The following ITCH variants were observed in gnomAD, a reference collection of about 807,000 sequenced individuals.
ITCH encodes E3 ubiquitin-protein ligase Itchy homolog.
ITCH carries 28 observed loss-of-function variants against 126.8 expected under a neutral mutation model. That is an observed-to-expected ratio of 0.22 (90% CI 0.16 to 0.30). ITCH has a LOEUF of 0.30. Among genes scored for constraint, ITCH ranks in the 10% least tolerant of loss-of-function variants. ITCH has a pLI of 1.00. For synonymous variants in ITCH, 342 were observed against 340.0 expected, an observed-to-expected ratio of 1.01 and a Z score of -0.06; for missense variants, 631 against 1,032.4, an observed-to-expected ratio of 0.61 and a Z score of 5.33.
chr20:34,428,566 CT>C (rs995860782), intron 7 of ITCH, among the ~76,000 whole-genome samples: 1 of 151,456 alleles, frequency 6.6e-6, no homozygotes. Context: ...GATGTGCGTT[CT>C]TTTTTTTTGT....
intron 3 of ITCH, among the ~76,000 whole-genome samples, chr20:34,406,725 A>C: frequency 6.6e-6 from 1 of 151,880 alleles, no homozygotes; most frequent in Non-Finnish European, 1.5e-5. Context: ...TAGTAGAGAC[A>C]GGGTTTCACC....
intron 2 of ITCH, among the ~76,000 whole-genome samples, chr20:34,372,504 C>A (rs1423750673): frequency 6.7e-6 from 1 of 148,418 alleles, no homozygotes; most frequent in African/African-American, 2.5e-5. Flanking sequence ...CCTCAGCCTC[C>A]TGAGTAGCTG....
Position 34,458,146 on chromosome 20 carries a change from CTT to C in ITCH, c.1295+674_1295+675del, listed in dbSNP as rs370780443. Among the ~76,000 whole-genome samples, 31 of 152,262 alleles carry C rather than the reference CTT, an allele frequency of 2.0e-4. 1 individual carries two copies. The East Asian group carries it at 5.8e-3, about 28-fold the overall frequency. On this transcript the variant is annotated intron_variant, in intron 13 of 24. Coordinates refer to ENST00000374864, the MANE Select transcript of ITCH (RefSeq NM_031483.7). Reference sequence around the variant, plus strand: ...AAAATACATACTCAGTTTCATTACTCTTTACTGGAAATTTAGTATCTTCTTCC... The same window carrying C: ...AAAATACATACTCAGTTTCATTACTCTACTGGAAATTTAGTATCTTCTTCC...
chr20:34,378,847 ATTAT>A (rs1268979113), intron 2 of ITCH, among the ~76,000 whole-genome samples: 14 of 152,236 alleles, frequency 9.2e-5, no homozygotes, highest in South Asian at 2.1e-4. Flanking sequence ...GAGAGTCTGG[ATTAT>A]TTATTTATTT....
chr20:34,470,020 T>C, intron 14 of ITCH, 28 bp from the exon 15 acceptor site: 5 of 1,575,350 alleles, frequency 3.2e-6, no homozygotes, highest in Non-Finnish European at 3.5e-6. Context: ...CAGCTATATA[T>C]GTCCTGTTAA....
intron 2 of ITCH, among the ~76,000 whole-genome samples, chr20:34,379,876 C>T (rs1186954381): frequency 4.2e-5 from 6 of 143,220 alleles, no homozygotes; most frequent in Admixed American, 7.3e-5. Context: ...GGATTACAGG[C>T]GTGAACCACT....
chr20:34,381,883 G>A lies in ITCH; in HGVS notation c.-21-11908G>A, dbSNP rs117008625. ...TGTCTCTAAAAAAAAAAAAAAAAATGGAAAGAAATACTCAAAACACTCAAT... is the reference window on the plus strand; with the variant it reads ...TGTCTCTAAAAAAAAAAAAAAAAATAGAAAGAAATACTCAAAACACTCAAT... On this transcript the variant is annotated intron_variant, in intron 2 of 24. Transcript: ENST00000374864. 4.3e-4 allele frequency among the ~76,000 whole-genome samples: 65 copies of A among 150,884 alleles called. 1 individual carries two copies. In the East Asian group the frequency reaches 0.012, roughly 28 times the overall value.
At chr20:34,486,273 G>A (rs1352119314) in intron 20 of ITCH, among the ~76,000 whole-genome samples, 2 of 151,178 alleles carry the variant, frequency 1.3e-5, no homozygotes, top group Admixed American at 1.3e-4. Context: ...TCCCACTTTG[G>A]TCTCCCAAAG....
chr20:34,500,400 T>G (rs530157121), intron 23 of ITCH, among the ~76,000 whole-genome samples: 19 of 152,312 alleles, frequency 1.2e-4, no homozygotes, highest in African/African-American at 4.6e-4. Context: ...GTTGAATTGG[T>G]CCCTTTATCA....
chr20:34,480,447 C>T, intron 18 of ITCH, 152 bp from the exon 19 acceptor site: 1 of 831,544 alleles, frequency 1.2e-6, no homozygotes, highest in Non-Finnish European at 2.0e-6. Context: ...GGTGATCCAC[C>T]CACCTCGGCC....
At chr20:34,385,442 A>C (rs1374479455) in intron 2 of ITCH, among the ~76,000 whole-genome samples, 2 of 152,064 alleles carry the variant, frequency 1.3e-5, no homozygotes, top group Non-Finnish European at 2.9e-5. Flanking sequence ...CATTGTTTGC[A>C]AGAGAACAAT....
chr20:34,486,774 G>A lies in ITCH; in HGVS notation c.2094-2492G>A, dbSNP rs565874320. 3.7e-5 allele frequency among the ~76,000 whole-genome samples: 5 copies of A among 133,946 alleles called. No individual in the cohort carries two copies. The South Asian group carries it at 9.7e-4, about 26-fold the overall frequency. 87.9% of individuals were successfully genotyped at this position (133,946 alleles called of 152,430 possible). A position where few individuals can be genotyped will look rare whatever the true frequency, so the allele number is the denominator to read the frequency against. On this transcript the variant is annotated intron_variant, in intron 20 of 24. Coordinates refer to ENST00000374864, the MANE Select transcript of ITCH (RefSeq NM_031483.7). ...GTGCAGTGGTGAAATCTTGCCTCACGGCAGCGTCCAATTCCAGAAGTTCAA... is the reference window on the plus strand; with the variant it reads ...GTGCAGTGGTGAAATCTTGCCTCACAGCAGCGTCCAATTCCAGAAGTTCAA...
At chr20:34,420,420 T>C (rs1980601525) in intron 6 of ITCH, among the ~76,000 whole-genome samples, 1 of 152,228 alleles carries the variant, frequency 6.6e-6, no homozygotes, top group Admixed American at 6.5e-5. Context: ...CCTTTCTTCT[T>C]ATGGCTGTAT....
intron 12 of ITCH, 57 bp downstream of exon 12, chr20:34,449,537 A>G (rs890605690): frequency 2.6e-5 from 29 of 1,127,916 alleles, no homozygotes; most frequent in East Asian, 1.2e-4. Context: ...TTCTCTTCCA[A>G]TTGTGTCATT....
chr20:34,395,279 G>A (rs1201323007), intron 3 of ITCH, among the ~76,000 whole-genome samples: 1 of 151,406 alleles, frequency 6.6e-6, no homozygotes, highest in Non-Finnish European at 1.5e-5. Context: ...TGCTATACAA[G>A]TTTAGTTATT....
chr20:34,417,788 A>G (rs1199117015), intron 6 of ITCH, among the ~76,000 whole-genome samples: 3 of 144,194 alleles, frequency 2.1e-5, no homozygotes, highest in African/African-American at 5.2e-5. Flanking sequence ...TGGGCAGTTC[A>G]TATCTGCCAG....
chr20:34,434,332 T>C (rs1982728287), intron 7 of ITCH, among the ~76,000 whole-genome samples: 2 of 151,962 alleles, frequency 1.3e-5, no homozygotes, highest in African/African-American at 4.8e-5. Flanking sequence ...ATGCACTAAC[T>C]ATATTAACTG....
intron 2 of ITCH, among the ~76,000 whole-genome samples, chr20:34,376,056 G>T (rs989685787): frequency 1.3e-5 from 2 of 151,920 alleles, no homozygotes; most frequent in African/African-American, 2.4e-5. Flanking sequence ...TTAAATGTTG[G>T]CAACTTATGA....
At chr20:34,447,902 A>G (rs780901714) in intron 11 of ITCH, among the ~76,000 whole-genome samples, 6 of 152,216 alleles carry the variant, frequency 3.9e-5, no homozygotes, top group Admixed American at 1.3e-4. Context: ...GGGGTGGGTA[A>G]AGAAACAAGA....
Sources: allele counts gnomAD v4.1 joint callset (sites outside exome capture counted in the v4.1 genomes callset), GRCh38; gene constraint gnomAD v4.1.1; transcripts MANE v1.5; gene names NCBI Gene and HGNC (gene_info 2026-07-23, HGNC 2026-07-21).